The following SYNE1 variants were observed in gnomAD, a reference collection of about 807,000 sequenced individuals.
SYNE1 encodes spectrin repeat containing nuclear envelope protein 1, also known as nesprin-1.
In SYNE1, 616 loss-of-function variants were observed where a neutral mutation model predicts 1,111.0. That is an observed-to-expected ratio of 0.55 (90% CI 0.52 to 0.59). SYNE1 has a LOEUF of 0.59. SYNE1 is among the 20% of genes least tolerant of loss of function. SYNE1 has a pLI of 0.00. For missense variants in SYNE1, 10,006 were observed against 10,417.0 expected (o/e 0.96, Z 1.72); for synonymous variants, 3,855 against 3,825.8 (o/e 1.01, Z -0.28).
intron 141 of SYNE1, among the ~76,000 whole-genome samples, chr6:152,136,358 A>C (rs529363268): frequency 6.6e-6 from 1 of 152,244 alleles, no homozygotes; most frequent in Non-Finnish European, 1.5e-5. Context: ...TCATAGAAGG[A>C]GCGTTGCGAC....
intron 6 of SYNE1, among the ~76,000 whole-genome samples, chr6:152,514,496 G>C (rs2099101409): frequency 6.6e-6 from 1 of 152,118 alleles, no homozygotes; most frequent in Non-Finnish European, 1.5e-5. Context: ...GGGACTAGGG[G>C]AGGGATAGCA....
chr6:152,213,339 G>A (rs1056132331), intron 123 of SYNE1, among the ~76,000 whole-genome samples: 9 of 152,096 alleles, frequency 5.9e-5, no homozygotes, highest in African/African-American at 2.2e-4. Context: ...TGCCTGTCTC[G>A]AGTAAGTAGC....
chr6:152,390,301 C>T lies in SYNE1; in HGVS notation c.8156G>A (p.Ser2719Asn). ...TLKEVWADIM[S>N]SSVHAQSTLE... ...GTACCTTTGAGCGTGGACGGAGGAG[C>T]TCATGATGTCAGCCCACACTTCTTT... Residue 2719 changes from serine to asparagine, a missense_variant, in exon 53 of 146, where the codon AGC becomes AAC. By Grantham distance (46) the Ser-to-Asn change is conservative. Around this residue, in one of 7 missense-constraint regions of SYNE1, gnomAD observed 4,955 missense variants for 5,017.2 expected, o/e 0.99. Transcript: ENST00000367255. 1 of 1,614,092 alleles carries T rather than the reference C, an allele frequency of 6.2e-7. No individual in the cohort carries two copies. The highest frequency in any genetic ancestry group is 8.5e-7 in the Non-Finnish European group (1 of 1,180,012).
chr6:152,232,016 A>C (rs1397953389), intron 113 of SYNE1, 100 bp downstream of exon 113: 1 of 899,636 alleles, frequency 1.1e-6, no homozygotes, highest in Non-Finnish European at 1.8e-6. Flanking sequence ...TGTAGGAAAC[A>C]TACATTCCAA....
intron 36 of SYNE1, 25 bp from the exon 37 acceptor site, chr6:152,428,417 A>C (rs1014826644): frequency 6.2e-7 from 1 of 1,612,354 alleles, no homozygotes; most frequent in Non-Finnish European, 8.5e-7. Context: ...AGAAGAATGC[A>C]GTGAAAGCAC....
chr6:152,279,173 A>T (rs1237169559), intron 97 of SYNE1, among the ~76,000 whole-genome samples: 1 of 141,856 alleles, frequency 7.0e-6, no homozygotes, highest in Non-Finnish European at 1.5e-5. Flanking sequence ...TTTTGAGACA[A>T]GGTCTCCTCT....
At chr6:152,157,852 T>C (rs1371667545) in intron 131 of SYNE1, among the ~76,000 whole-genome samples, 1 of 151,834 alleles carries the variant, frequency 6.6e-6, no homozygotes, top group Non-Finnish European at 1.5e-5. Flanking sequence ...TCCTGCCTGA[T>C]TCTCCTCCTC....
At chr6:152,402,598 A>G (rs2097838806) in intron 46 of SYNE1, 1 of 152,190 alleles carries the variant, frequency 6.6e-6, no homozygotes, top group Admixed American at 6.5e-5. Flanking sequence ...TCAGACTCCC[A>G]TGCCTGCCAA....
At chr6:152,568,113 T>C (rs1455156667) in intron 3 of SYNE1, among the ~76,000 whole-genome samples, 1 of 151,932 alleles carries the variant, frequency 6.6e-6, no homozygotes, top group Non-Finnish European at 1.5e-5. Flanking sequence ...GAAAATATAG[T>C]AAATATGCTT....
chr6:152,490,682 T>C (rs1490240316), intron 11 of SYNE1, among the ~76,000 whole-genome samples: 2 of 152,168 alleles, frequency 1.3e-5, no homozygotes, highest in Non-Finnish European at 2.9e-5. Flanking sequence ...CTTGGGTGAT[T>C]AAAAAGCTTT....
intron 127 of SYNE1, among the ~76,000 whole-genome samples, chr6:152,191,325 T>C (rs2072286375): frequency 6.6e-6 from 1 of 151,912 alleles, no homozygotes; most frequent in African/African-American, 2.4e-5. Context: ...TCCCTCCTCC[T>C]CTATTTTTCA....
At chr6:152,387,925 A>G (rs77305955) in intron 53 of SYNE1, among the ~76,000 whole-genome samples, 13,480 of 152,224 alleles carry the variant, frequency 0.089, 2,061 homozygotes, top group African/African-American at 0.31. Context: ...GTGTGAATGA[A>G]TGCTCAAGTA....
intron 98 of SYNE1, among the ~76,000 whole-genome samples, chr6:152,272,103 T>C (rs1418578957): frequency 6.6e-6 from 1 of 152,248 alleles, no homozygotes; most frequent in Admixed American, 6.5e-5. Context: ...ATTCAGATTC[T>C]ATGCGGTTAG....
At chr6:152,134,917 T>C in intron 142 of SYNE1, 187 bp downstream of exon 142, 1 of 660,848 alleles carries the variant, frequency 1.5e-6, no homozygotes, top group Non-Finnish European at 2.5e-6. Context: ...GCAGATATCA[T>C]CTTCTATGCA....
rs113507957 is a variant in SYNE1 at position 152,423,351 on chromosome 6, A to G, written c.5267+2030T>C. On this transcript the variant is annotated intron_variant, in intron 39 of 145. Transcript: ENST00000367255. ...CTGTGTATATACATTAAATAAATTT[A>G]TATGCCTTTTCTATTAATCTGCCTC... Among the ~76,000 whole-genome samples the G allele has an allele frequency of 2.6e-3, 393 of 152,308 alleles. 4 individuals carry two copies. The highest frequency in any genetic ancestry group is 9.1e-3 in the African/African-American group (378 of 41,570).
chr6:152,356,146 C>A (rs2096833253), intron 66 of SYNE1, among the ~76,000 whole-genome samples: 1 of 151,680 alleles, frequency 6.6e-6, no homozygotes, highest in Non-Finnish European at 1.5e-5. Flanking sequence ...TAATTTGGAT[C>A]TTGTGGGCCA....
chr6:152,335,557 T>A (rs1280673090), intron 76 of SYNE1: 2 of 152,184 alleles, frequency 1.3e-5, no homozygotes, highest in Non-Finnish European at 2.9e-5. Flanking sequence ...TATTCTCTTT[T>A]TTCTCTGTAC....
chr6:152,196,347 A>G (rs777809641), intron 127 of SYNE1, among the ~76,000 whole-genome samples: 5 of 152,044 alleles, frequency 3.3e-5, no homozygotes, highest in Non-Finnish European at 5.9e-5. Flanking sequence ...TAAGCAGAAG[A>G]GGACTCTCTT....
intron 127 of SYNE1, among the ~76,000 whole-genome samples, chr6:152,193,171 A>C (rs2153262226): frequency 6.6e-6 from 1 of 152,090 alleles, no homozygotes; most frequent in South Asian, 2.1e-4. Flanking sequence ...TTTTCAGTGA[A>C]GGTGATTTCA....
Sources: gnomAD v4.1 joint callset for allele counts (sites outside exome capture counted in the v4.1 genomes callset) on GRCh38, gnomAD v4.1.1 for gene constraint, gnomAD v4.1.1 regional missense constraint, MANE v1.5 for transcripts, NCBI Gene and HGNC (gene_info 2026-07-23, HGNC 2026-07-21) for gene names.